The following HHIP variants were observed in gnomAD, a reference collection of about 807,000 sequenced individuals.
HHIP encodes hedgehog interacting protein.
Under a neutral mutation model 74.0 loss-of-function variants are expected in HHIP, and 12 were observed. The ratio of observed to expected loss-of-function variants is 0.16; its 90% CI spans 0.10 to 0.26. The LOEUF is 0.26. HHIP is among the 10% of genes least tolerant of loss of function. The probability of loss-of-function intolerance (pLI) is 1.00; values close to 1 mark genes in which losing one functional copy is unlikely to be tolerated. For missense variants in HHIP, 788 were observed against 845.0 expected (o/e 0.93, Z 0.84); for synonymous variants, 309 against 311.6 (o/e 0.99, Z 0.09).
chr4:144,712,210 T>A, intron 8 of HHIP, 139 bp downstream of exon 8: 1 of 703,448 alleles, frequency 1.4e-6, no homozygotes, highest in Non-Finnish European at 2.4e-6. Flanking sequence ...CATGCAGGAG[T>A]AAATTGCTCA....
At chr4:144,680,770 T>C (rs1729312748) in intron 4 of HHIP, among the ~76,000 whole-genome samples, 1 of 152,212 alleles carries the variant, frequency 6.6e-6, no homozygotes, top group African/African-American at 2.4e-5. Flanking sequence ...TAGAGATTTA[T>C]GGTATTAGAA....
At chr4:144,723,131 T>C (rs1730684136) in intron 11 of HHIP, among the ~76,000 whole-genome samples, 1 of 152,234 alleles carries the variant, frequency 6.6e-6, no homozygotes, top group South Asian at 2.1e-4. Context: ...AGGAAAATTA[T>C]TCTCCATCAT....
intron 1 of HHIP, among the ~76,000 whole-genome samples, chr4:144,651,115 G>A (rs1181698307): frequency 2.6e-5 from 4 of 152,114 alleles, no homozygotes; most frequent in Non-Finnish European, 5.9e-5. Context: ...TAGATCTGGT[G>A]AGGTCTGCCA....
chr4:144,687,464 C>T (rs1017248566), intron 4 of HHIP, among the ~76,000 whole-genome samples: 1 of 152,098 alleles, frequency 6.6e-6, no homozygotes, highest in Admixed American at 6.6e-5. Context: ...ATGATGCATC[C>T]CTGCTTAATT....
rs1731301688 is a variant in HHIP, at chr4:144,742,982, TA to T, written c.*5026del. The T allele has an allele frequency of 4.1e-3, 6 of 1,470 alleles. No individual in the cohort carries two copies. Among genetic ancestry groups the T allele is most frequent in the South Asian group, 0.029 (1 of 34 alleles). 0.1% of individuals were successfully genotyped at this position (1,470 alleles called of 1,614,324 possible). A position where few individuals can be genotyped will look rare whatever the true frequency, so the allele number is the denominator to read the frequency against. On this transcript the variant is annotated 3_prime_UTR_variant, in exon 13 of 13. Transcript: ENST00000296575. ...CATATAAGATATATGTATATATATA[TA>T]CATTATATATATATAATATATATAT...
rs969313302 is a variant in HHIP, at chr4:144,741,045, G to C, written c.*3088G>C. On this transcript the variant is annotated 3_prime_UTR_variant, in exon 13 of 13. Coordinates refer to ENST00000296575, the MANE Select transcript of HHIP (RefSeq NM_022475.3). Reference sequence around the variant, plus strand: ...CAATTTGGCAGATCTTTAAGTGAAAGAGAGAAAAAATTTAAGAAATTGAGT... The same window carrying C: ...CAATTTGGCAGATCTTTAAGTGAAACAGAGAAAAAATTTAAGAAATTGAGT... 1 of 152,094 alleles carries C rather than the reference G, an allele frequency of 6.6e-6. No homozygotes were observed. Among genetic ancestry groups the C allele is most frequent in the Non-Finnish European group, 1.5e-5 (1 of 68,002 alleles). The allele number at this position is 152,094 out of a possible 1,614,324, so 9.4% of individuals were successfully genotyped here.
intron 11 of HHIP, among the ~76,000 whole-genome samples, chr4:144,727,633 T>A (rs1445329122): frequency 6.6e-6 from 1 of 152,222 alleles, no homozygotes; most frequent in African/African-American, 2.4e-5. Context: ...TAAAAGCACA[T>A]GACATTATTA....
chr4:144,698,710 C>T (rs530511490), intron 4 of HHIP, among the ~76,000 whole-genome samples: 1 of 152,108 alleles, frequency 6.6e-6, no homozygotes, highest in African/African-American at 2.4e-5. Flanking sequence ...AGAATTGATA[C>T]GTCCTTCGTT....
chr4:144,700,468 G>A (rs1326443021), intron 4 of HHIP, among the ~76,000 whole-genome samples: 3 of 152,132 alleles, frequency 2.0e-5, no homozygotes, highest in Non-Finnish European at 4.4e-5. Context: ...ATGGCAAAGG[G>A]GAATTAAGGT....
intron 12 of HHIP, among the ~76,000 whole-genome samples, chr4:144,736,067 T>C (rs1731497802): frequency 1.3e-5 from 2 of 151,862 alleles, no homozygotes; most frequent in African/African-American, 2.4e-5. Flanking sequence ...TGTAATGATA[T>C]TCAAATTCCT....
intron 4 of HHIP, among the ~76,000 whole-genome samples, chr4:144,701,156 T>G (rs1394349788): frequency 6.6e-6 from 1 of 152,206 alleles, no homozygotes; most frequent in Non-Finnish European, 1.5e-5. Flanking sequence ...ATATTAATTC[T>G]TAAAAATTCC....
In HHIP at chr4:144,724,372, T is replaced by G. The variant is rs532706373; in HGVS notation, c.1760+5416T>G. On this transcript the variant is annotated intron_variant, in intron 11 of 12. Coordinates refer to ENST00000296575, the MANE Select transcript of HHIP (RefSeq NM_022475.3). ...AACCATCATATGCTTTTATTCCAAG[T>G]GCTGACAGATTTGTATTTATAAAAT... is the stretch of plus-strand genomic sequence containing the variant. 6.0e-4 allele frequency among the ~76,000 whole-genome samples: 91 copies of G among 152,284 alleles called. 4 individuals are homozygous for G. In the South Asian group the frequency reaches 0.019, roughly 31 times the overall value.
chr4:144,670,849 T>C (rs1399436109), intron 4 of HHIP, among the ~76,000 whole-genome samples: 2 of 151,008 alleles, frequency 1.3e-5, no homozygotes, highest in African/African-American at 4.9e-5. Flanking sequence ...TCCCATTAAA[T>C]TCTTAGGCTT....
Position 144,662,847 on chromosome 4 carries a change from T to C in HHIP, c.831+3009T>C, listed in dbSNP as rs190718511. On this transcript the variant is annotated intron_variant, in intron 4 of 12. Transcript: ENST00000296575. The stretch of plus-strand genomic sequence containing the variant: ...TGATTTGAAATCTTTAAATTGAGCT[T>C]ATATCTGAGCTCTGAAATCAGAGCT... 2.6e-4 allele frequency among the ~76,000 whole-genome samples: 39 copies of C among 152,304 alleles called. No individual in the cohort carries two copies. In the East Asian group the frequency reaches 6.9e-3, roughly 27 times the overall value.
At chr4:144,726,056 T>C (rs1730796524) in intron 11 of HHIP, among the ~76,000 whole-genome samples, 1 of 152,300 alleles carries the variant, frequency 6.6e-6, no homozygotes, top group African/African-American at 2.4e-5. Flanking sequence ...AAAAAAATTC[T>C]CTGGTTATAT....
chr4:144,732,975 A>C (rs1431264044), intron 11 of HHIP, among the ~76,000 whole-genome samples: 1 of 152,206 alleles, frequency 6.6e-6, no homozygotes, highest in Non-Finnish European at 1.5e-5. Flanking sequence ...CTACTGAAAA[A>C]CTGCTCTTCT....
At chr4:144,689,239 G>A (rs1729578290) in intron 4 of HHIP, among the ~76,000 whole-genome samples, 1 of 152,138 alleles carries the variant, frequency 6.6e-6, no homozygotes, top group Non-Finnish European at 1.5e-5. Context: ...CAAAGTTTGA[G>A]CAATGGAAAG....
At chr4:144,711,705 A>G (rs1578716722) in intron 7 of HHIP, among the ~76,000 whole-genome samples, 1 of 152,264 alleles carries the variant, frequency 6.6e-6, no homozygotes, top group African/African-American at 2.4e-5. Flanking sequence ...GACAGTGTGC[A>G]TATTTATAAC....
At chr4:144,699,885 T>A (rs1456186354) in intron 4 of HHIP, among the ~76,000 whole-genome samples, 2 of 152,208 alleles carry the variant, frequency 1.3e-5, no homozygotes, top group Non-Finnish European at 2.9e-5. Context: ...CGATGCTTCT[T>A]ATCTTTTCCA....
Sources: gnomAD v4.1 joint callset for allele counts (sites outside exome capture counted in the v4.1 genomes callset) on GRCh38, gnomAD v4.1.1 for gene constraint, MANE v1.5 for transcripts, NCBI Gene and HGNC (gene_info 2026-07-23, HGNC 2026-07-21) for gene names.